The following EXOC6B variants were observed in gnomAD, a reference collection of about 807,000 sequenced individuals.
The protein encoded by EXOC6B is exocyst complex component 6B, also known as SEC15 homolog B.
A neutral mutation model predicts 113.5 loss-of-function variants in EXOC6B; 54 were observed. The ratio of observed to expected loss-of-function variants is 0.48; its 90% confidence interval spans 0.38 to 0.60. The LOEUF is 0.60. Ranked by LOEUF, EXOC6B falls within the 20% of genes least tolerant of loss-of-function variation. The probability of loss-of-function intolerance (pLI) is 0.00; values close to 1 mark genes in which losing one functional copy is unlikely to be tolerated. For synonymous variants in EXOC6B, 357 were observed against 339.0 expected (o/e 1.05, Z -0.58); for missense variants, 797 against 977.5 (o/e 0.82, Z 2.46).
intron 20 of EXOC6B, among the ~76,000 whole-genome samples, chr2:72,260,416 C>T (rs1683642446): frequency 1.3e-5 from 2 of 152,136 alleles, no homozygotes; most frequent in African/African-American, 2.4e-5. Context: ...TTTGATTGTG[C>T]GAGGCAACAA....
At chr2:72,678,661 G>T (rs1017222651) in intron 6 of EXOC6B, among the ~76,000 whole-genome samples, 5 of 152,114 alleles carry the variant, frequency 3.3e-5, no homozygotes, top group Non-Finnish European at 7.4e-5. Context: ...AGCCAAGATC[G>T]TGCCACTGCC....
intron 6 of EXOC6B, among the ~76,000 whole-genome samples, chr2:72,616,382 T>C (rs1671386749): frequency 6.6e-6 from 1 of 152,194 alleles, no homozygotes; most frequent in Non-Finnish European, 1.5e-5. Context: ...CAAAATATAC[T>C]ACTAAGCTAT....
At chr2:72,621,388 G>A (rs955617213) in intron 6 of EXOC6B, among the ~76,000 whole-genome samples, 55 of 152,188 alleles carry the variant, frequency 3.6e-4, no homozygotes, top group Admixed American at 6.5e-5. Flanking sequence ...ATAATCCTAA[G>A]CAAACTGATG....
chr2:72,759,113 C>A, intron 1 of EXOC6B, among the ~76,000 whole-genome samples: 1 of 152,172 alleles, frequency 6.6e-6, no homozygotes, highest in East Asian at 1.9e-4. Flanking sequence ...GTTGTGTGAT[C>A]TTGGGCAAGT....
chr2:72,292,196 T>C (rs902558964), intron 20 of EXOC6B, among the ~76,000 whole-genome samples: 3 of 150,952 alleles, frequency 2.0e-5, no homozygotes, highest in Non-Finnish European at 4.4e-5. Context: ...TGTGTGTGTG[T>C]GTGTGTGTGT....
intron 20 of EXOC6B, among the ~76,000 whole-genome samples, chr2:72,287,673 T>C (rs570746720): frequency 6.6e-6 from 1 of 152,022 alleles, no homozygotes; most frequent in Non-Finnish European, 1.5e-5. Flanking sequence ...TGAATGACTT[T>C]ATGCCAACAG....
chr2:72,709,323 A>G (rs577003929), intron 6 of EXOC6B, among the ~76,000 whole-genome samples: 98 of 152,316 alleles, frequency 6.4e-4, no homozygotes, highest in African/African-American at 2.2e-3. Context: ...GCACTTGCTG[A>G]GAGCACAACA....
intron 18 of EXOC6B, chr2:72,464,854 C>A (rs967463492): frequency 2.9e-6 from 1 of 343,204 alleles, no homozygotes; most frequent in Admixed American, 4.5e-5. Flanking sequence ...GAAATTCTAA[C>A]TAAGTTTCTT....
intron 18 of EXOC6B, among the ~76,000 whole-genome samples, chr2:72,395,451 T>A (rs1692665972): frequency 6.6e-6 from 1 of 152,164 alleles, no homozygotes; most frequent in African/African-American, 2.4e-5. Flanking sequence ...ATCCTGTAGG[T>A]GCTTTGGTCA....
At chr2:72,244,569 AATAAAACTGAAAC>A (rs1189815696) in intron 20 of EXOC6B, among the ~76,000 whole-genome samples, 1 of 152,122 alleles carries the variant, frequency 6.6e-6, no homozygotes, top group Non-Finnish European at 1.5e-5. Flanking sequence ...GGCAGAAACC[AATAAAACTGAAAC>A]ATAAAACTGA....
chr2:72,825,921 CG>C lies in EXOC6B; in HGVS notation c.-12del. The C allele has an allele frequency of 6.2e-7, 1 of 1,610,864 alleles. No individual in the cohort carries two copies. Among genetic ancestry groups the C allele is most frequent in the Non-Finnish European group, 8.5e-7 (1 of 1,179,168 alleles). On this transcript the variant is annotated 5_prime_UTR_variant, in exon 1 of 22. Coordinates refer to ENST00000272427, the MANE Select transcript of EXOC6B (RefSeq NM_015189.3). This position sits in a 1 kb window ranked among gnomAD's most constrained non-coding sequence, Gnocchi z 4.4. Reference sequence around the variant, plus strand: ...CTTACCCCGCTCCATAGACTGGGGGCGCCCCGCAGCGCGTCCCCTCCGTCGG... The same window carrying C: ...CTTACCCCGCTCCATAGACTGGGGGCCCCCGCAGCGCGTCCCCTCCGTCGG...
chr2:72,511,220 C>T (rs1175274706), intron 11 of EXOC6B, among the ~76,000 whole-genome samples: 1 of 152,026 alleles, frequency 6.6e-6, no homozygotes, highest in Non-Finnish European at 1.5e-5. Context: ...AACCCACATA[C>T]ATATTAACCA....
At chr2:72,678,042 T>G (rs1353288565) in intron 6 of EXOC6B, among the ~76,000 whole-genome samples, 2 of 152,146 alleles carry the variant, frequency 1.3e-5, no homozygotes, top group African/African-American at 4.8e-5. Flanking sequence ...ATAACAAACA[T>G]GTTTTCCCTC....
chr2:72,193,910 G>A (rs1679003469), intron 20 of EXOC6B, among the ~76,000 whole-genome samples: 1 of 152,184 alleles, frequency 6.6e-6, no homozygotes, highest in Non-Finnish European at 1.5e-5. Flanking sequence ...TGTAAATAAA[G>A]TTTTGTTGAA....
intron 6 of EXOC6B, among the ~76,000 whole-genome samples, chr2:72,601,493 T>C (rs1670436698): frequency 6.6e-6 from 1 of 152,110 alleles, no homozygotes; most frequent in Non-Finnish European, 1.5e-5. Context: ...CCTGTATGGC[T>C]AAAATTTTTA....
intron 6 of EXOC6B, among the ~76,000 whole-genome samples, chr2:72,697,974 G>A (rs1397332059): frequency 6.6e-6 from 1 of 152,064 alleles, no homozygotes; most frequent in African/African-American, 2.4e-5. Context: ...TTCTTAGCAT[G>A]GCATATTTCT....
intron 11 of EXOC6B, among the ~76,000 whole-genome samples, chr2:72,501,787 T>C (rs1456029577): frequency 6.7e-6 from 1 of 149,258 alleles, no homozygotes; most frequent in Non-Finnish European, 1.5e-5. Context: ...TCCCACAGGG[T>C]TTCACTCTGT....
intron 1 of EXOC6B, among the ~76,000 whole-genome samples, chr2:72,778,993 TGTATA>T (rs1683875509): frequency 6.6e-6 from 1 of 152,144 alleles, no homozygotes; most frequent in South Asian, 2.1e-4. Context: ...ATATATAGTA[TGTATA>T]GTATAACATA....
intron 19 of EXOC6B, among the ~76,000 whole-genome samples, chr2:72,357,501 G>T (rs1690036935): frequency 6.6e-6 from 1 of 151,954 alleles, no homozygotes; most frequent in Non-Finnish European, 1.5e-5. Context: ...GACCAGCCTG[G>T]CCAACATGGT....
Sources: allele counts gnomAD v4.1 joint callset (sites outside exome capture counted in the v4.1 genomes callset), GRCh38; gene constraint gnomAD v4.1.1; non-coding constraint Gnocchi (gnomAD v3.1); transcripts MANE v1.5; gene names NCBI Gene and HGNC (gene_info 2026-07-23, HGNC 2026-07-21).